Variants in DIP2B observed in about 807,000 individuals in gnomAD.
DIP2B encodes the protein DIP2 acetate--CoA ligase B (putative).
A neutral mutation model predicts 198.0 loss-of-function variants in DIP2B; 76 were observed. The ratio of observed to expected loss-of-function variants is 0.38; its 90% CI spans 0.32 to 0.46. The LOEUF is 0.46. Among genes scored for constraint, DIP2B ranks in the 20% least tolerant of loss-of-function variants. The pLI is 0.99. For missense variants in DIP2B, 1,559 were observed against 1,978.4 expected, an observed-to-expected ratio of 0.79 and a Z score of 4.02; for synonymous variants, 701 against 739.1, an observed-to-expected ratio of 0.95 and a Z score of 0.84.
At chr12:50,706,112 G>A (rs1347406086) in intron 20 of DIP2B, among the ~76,000 whole-genome samples, 3 of 152,086 alleles carry the variant, frequency 2.0e-5, no homozygotes, top group East Asian at 3.8e-4. Context: ...ACCTGAGACG[G>A]TCATTCTCCT....
In DIP2B at chr12:50,543,323, G is replaced by A. The variant is rs185745223; in HGVS notation, c.100+38083G>A. On this transcript the variant is annotated intron_variant, in intron 1 of 37. Coordinates refer to ENST00000301180, the MANE Select transcript of DIP2B (RefSeq NM_173602.3). ...TTATTTATTTTTGAGACAGAGTCTC[G>A]CTGTCACCTAGGCTGGAGTGCAGTG... 5.4e-5 allele frequency among the ~76,000 whole-genome samples: 8 copies of A among 147,598 alleles called. No homozygotes were observed. In the East Asian group the frequency reaches 1.0e-3, roughly 19 times the overall value.
intron 25 of DIP2B, 67 bp downstream of exon 25, chr12:50,719,102 C>T: frequency 6.6e-7 from 1 of 1,504,036 alleles, no homozygotes; most frequent in South Asian, 1.2e-5. Context: ...CACTCTTGAT[C>T]TCTTTCTTTC....
At chr12:50,663,792 C>T (rs1938697439) in intron 4 of DIP2B, among the ~76,000 whole-genome samples, 1 of 150,818 alleles carries the variant, frequency 6.6e-6, no homozygotes, top group South Asian at 2.1e-4. Context: ...ATCGCTTGAT[C>T]CCCAGAGGTC....
intron 3 of DIP2B, among the ~76,000 whole-genome samples, chr12:50,652,450 T>G (rs1157932752): frequency 6.6e-6 from 1 of 151,058 alleles, no homozygotes; most frequent in Non-Finnish European, 1.5e-5. Flanking sequence ...GGCAGGAGGA[T>G]CACTTGAACC....
chr12:50,680,842 T>G, intron 9 of DIP2B, 79 bp downstream of exon 9: 1 of 1,308,454 alleles, frequency 7.6e-7, no homozygotes, highest in Non-Finnish European at 1.1e-6. Context: ...TTCTGGAGTT[T>G]TCATATACAA....
At position 50,660,190 on chromosome 12, in the gene DIP2B, T is replaced by C; in HGVS notation, c.302-4T>C. 1 of 1,603,470 alleles carries C rather than the reference T, an allele frequency of 6.2e-7. No homozygotes were observed. Among genetic ancestry groups the C allele is most frequent in the Admixed American group, 1.7e-5 (1 of 58,590 alleles). On this transcript the variant is annotated splice_polypyrimidine_tract_variant and splice_region_variant and intron_variant, in intron 3 of 37. Transcript: ENST00000301180. Reference sequence around the variant, plus strand: ...CTAATAAATGCAAATGTTTGCTTTTTCAGATATCCACACAGAAGCAGTTCA... The same window carrying C: ...CTAATAAATGCAAATGTTTGCTTTTCCAGATATCCACACAGAAGCAGTTCA...
chr12:50,741,432 G>A lies in DIP2B; in HGVS notation c.4371G>A (p.Leu1457=), dbSNP rs767569234. The A allele has an allele frequency of 3.7e-6, 6 of 1,613,982 alleles. No individual in the cohort carries two copies. The highest frequency in any genetic ancestry group is 1.1e-5 in the South Asian group (1 of 91,084). ...TAATGERHDA[L]YVVGALDETL... The stretch of plus-strand genomic sequence containing the variant: ...TTCTGTCAGAGCGTCATGATGCATT[G>A]TATGTGGTGGGAGCGCTGGATGAAA... Residue 1457 remains leucine, a synonymous_variant, in exon 37 of 38, where the codon TTG becomes TTA. Coordinates refer to ENST00000301180, the MANE Select transcript of DIP2B (RefSeq NM_173602.3).
chr12:50,746,986 T>C lies in DIP2B; in HGVS notation c.*2147T>C, dbSNP rs1940349212. 1 of 152,234 alleles carries C rather than the reference T, an allele frequency of 6.6e-6. No homozygotes were observed. Among genetic ancestry groups the C allele is most frequent in the Admixed American group, 6.5e-5 (1 of 15,288 alleles). The allele number at this position is 152,234 out of a possible 1,614,324, so 9.4% of individuals were successfully genotyped here. A position where few individuals can be genotyped will look rare whatever the true frequency, so the allele number is the denominator to read the frequency against. On this transcript the variant is annotated 3_prime_UTR_variant, in exon 38 of 38. Coordinates refer to ENST00000301180, the MANE Select transcript of DIP2B (RefSeq NM_173602.3). Reference sequence around the variant, plus strand: ...GCCACATCTGTAATTTAAATGTTTCTAGTAACCACATTTTTTTAAAAGTAA... The same window carrying C: ...GCCACATCTGTAATTTAAATGTTTCCAGTAACCACATTTTTTTAAAAGTAA...
chr12:50,516,893 T>C (rs1958070638), intron 1 of DIP2B, among the ~76,000 whole-genome samples: 2 of 151,678 alleles, frequency 1.3e-5, no homozygotes, highest in African/African-American at 4.8e-5. Flanking sequence ...GTTAGGAGAA[T>C]TGCTTGAGCC....
chr12:50,602,686 A>C (rs1179902975), intron 1 of DIP2B, among the ~76,000 whole-genome samples: 13 of 143,486 alleles, frequency 9.1e-5, no homozygotes, highest in South Asian at 2.2e-4. Flanking sequence ...TGGTGAAACC[A>C]CGTCTCTACT....
intron 1 of DIP2B, among the ~76,000 whole-genome samples, chr12:50,544,098 C>T (rs1004218717): frequency 4.0e-5 from 6 of 150,628 alleles, no homozygotes; most frequent in East Asian, 3.9e-4. Flanking sequence ...CGTGGTGGTT[C>T]GCGCCTGTAG....
intron 1 of DIP2B, among the ~76,000 whole-genome samples, chr12:50,615,309 C>G (rs772195326): frequency 1.3e-5 from 2 of 151,932 alleles, no homozygotes; most frequent in Non-Finnish European, 2.9e-5. Flanking sequence ...ATTAGATGCA[C>G]GTAGCACTGT....
chr12:50,710,417 C>CTGTT (rs1303711166), intron 22 of DIP2B, among the ~76,000 whole-genome samples: 1 of 151,520 alleles, frequency 6.6e-6, no homozygotes, highest in Non-Finnish European at 1.5e-5. Context: ...TGCTAGATGA[C>CTGTT]TGTTTTGTTT....
intron 1 of DIP2B, among the ~76,000 whole-genome samples, chr12:50,571,798 T>G (rs754512088): frequency 5.9e-5 from 9 of 151,300 alleles, no homozygotes; most frequent in Non-Finnish European, 8.8e-5. Flanking sequence ...GACCTCGTGA[T>G]CCTCCTGCCT....
chr12:50,661,094 AT>A (rs925729632), intron 4 of DIP2B, among the ~76,000 whole-genome samples: 1 of 151,920 alleles, frequency 6.6e-6, no homozygotes, highest in African/African-American at 2.4e-5. Flanking sequence ...CTTAAAAAAA[AT>A]TTTTTTTGAA....
At chr12:50,536,466 A>G (rs1471258850) in intron 1 of DIP2B, among the ~76,000 whole-genome samples, 1 of 152,156 alleles carries the variant, frequency 6.6e-6, no homozygotes, top group Non-Finnish European at 1.5e-5. Context: ...AGAAGAAAAA[A>G]TCAATTCATG....
intron 1 of DIP2B, among the ~76,000 whole-genome samples, chr12:50,531,664 A>G (rs991536100): frequency 1.3e-5 from 2 of 152,162 alleles, no homozygotes; most frequent in Non-Finnish European, 2.9e-5. Context: ...TAAGGAATGC[A>G]AAGCAGAGAG....
chr12:50,533,703 G>C (rs1958238857), intron 1 of DIP2B, among the ~76,000 whole-genome samples: 1 of 151,680 alleles, frequency 6.6e-6, no homozygotes, highest in African/African-American at 2.4e-5. Flanking sequence ...CTACCTCTTG[G>C]GCTCAAGCAA....
At chr12:50,621,082 A>T (rs184143483) in intron 1 of DIP2B, among the ~76,000 whole-genome samples, 37 of 152,348 alleles carry the variant, frequency 2.4e-4, no homozygotes, top group African/African-American at 8.2e-4. Flanking sequence ...TAAAAATTGG[A>T]CAAGGTTGAA....
Sources: gnomAD v4.1 joint callset for allele counts (sites outside exome capture counted in the v4.1 genomes callset) on GRCh38, gnomAD v4.1.1 for gene constraint, MANE v1.5 for transcripts, NCBI Gene and HGNC (gene_info 2026-07-23, HGNC 2026-07-21) for gene names.